The following C10orf53 variants were observed in gnomAD, a reference collection of about 807,000 sequenced individuals.
C10orf53 encodes chromosome 10 open reading frame 53, also known as UPF0728 protein C10orf53.
In C10orf53, 8 loss-of-function variants were observed where a neutral mutation model predicts 9.4. That is an observed-to-expected ratio of 0.85 (90% CI 0.50 to 1.53). The LOEUF is 1.53. C10orf53 is among the 40% of genes most tolerant of loss of function. The probability of loss-of-function intolerance (pLI) is 0.00; values close to 1 mark genes in which losing one functional copy is unlikely to be tolerated. For missense variants in C10orf53, 117 were observed against 117.8 expected (o/e 0.99, Z 0.03); for synonymous variants, 48 against 46.0 (o/e 1.04, Z -0.18).
At chr10:49,694,209 GTTA>G in intron 2 of C10orf53, 1 of 576,806 alleles carries the variant, frequency 1.7e-6, no homozygotes, top group Non-Finnish European at 3.0e-6. Context: ...TATGTATTCT[GTTA>G]TTATTTGCTT....
At chr10:49,693,652 T>A (rs1840605279) in intron 1 of C10orf53, 122 bp from the exon 2 acceptor site, 2 of 1,255,044 alleles carry the variant, frequency 1.6e-6, no homozygotes, top group South Asian at 2.9e-5. Context: ...ACCAGGGCAG[T>A]TGAGTGATAC....
intron 2 of C10orf53, among the ~76,000 whole-genome samples, chr10:49,703,511 T>C (rs1438986060): frequency 6.6e-6 from 1 of 152,132 alleles, no homozygotes. Context: ...ATCTTATTAG[T>C]AAAGAGATGG....
At position 49,695,097 on chromosome 10, in the gene C10orf53, T is replaced by TG. The variant is rs986028106; in HGVS notation, c.*496dup. 1.6e-5 allele frequency: 5 copies of TG among 322,536 alleles called. No individual in the cohort carries two copies. Among genetic ancestry groups the TG allele is most frequent in the African/African-American group, 1.1e-4 (5 of 44,558 alleles). The allele number at this position is 322,536 out of a possible 1,614,324, so 20.0% of individuals were successfully genotyped here. A position where few individuals can be genotyped will look rare whatever the true frequency, so the allele number is the denominator to read the frequency against. On this transcript the variant is annotated 3_prime_UTR_variant, in exon 3 of 3. Transcript: ENST00000374111. ...CTTGCTATTCCTACAGATTTATTTC[T>TG]GACTCCTGAGGGAATAAATATTTTA...
At position 49,696,981 on chromosome 10, in the gene C10orf53, A is replaced by C. The variant is rs1374427156; in HGVS notation, c.*2379A>C. Among the ~76,000 whole-genome samples the C allele has an allele frequency of 1.3e-5, 2 of 152,278 alleles. No individual in the cohort carries two copies. Among genetic ancestry groups the C allele is most frequent in the South Asian group, 2.1e-4 (1 of 4,826 alleles). On this transcript the variant is annotated 3_prime_UTR_variant, in exon 3 of 3. Coordinates refer to ENST00000374111, the MANE Select transcript of C10orf53 (RefSeq NM_001042427.3). Reference sequence around the variant, plus strand: ...CCAAGGTGGGTGGATTTGTTTGAACACAGGAGTTCGAGAGCAGCCTGGCCA... The same window carrying C: ...CCAAGGTGGGTGGATTTGTTTGAACCCAGGAGTTCGAGAGCAGCCTGGCCA...
At chr10:49,686,962 A>C (rs1590640175) in intron 1 of C10orf53, among the ~76,000 whole-genome samples, 1 of 152,314 alleles carries the variant, frequency 6.6e-6, no homozygotes, top group East Asian at 1.9e-4. Flanking sequence ...TGCTATCTTC[A>C]AGACTGCCAC....
At chr10:49,680,182 C>T (rs1590636742) in intron 1 of C10orf53, among the ~76,000 whole-genome samples, 2 of 152,224 alleles carry the variant, frequency 1.3e-5, no homozygotes, top group South Asian at 2.1e-4. Context: ...TTATTAAGCA[C>T]GCAGTGTGTG....
chr10:49,700,885 A>G (rs565937876), downstream of C10orf53, among the ~76,000 whole-genome samples: 5 of 152,264 alleles, frequency 3.3e-5, no homozygotes, highest in East Asian at 9.7e-4. Flanking sequence ...GTAAAAGCAC[A>G]TTAGATGATG....
intron 2 of C10orf53, 82 bp from the exon 3 acceptor site, chr10:49,694,456 G>A (rs1420785076): frequency 1.5e-5 from 23 of 1,568,624 alleles, no homozygotes; most frequent in Non-Finnish European, 1.6e-5. Context: ...AATGCACTCT[G>A]GGTGGAAGCC....
chr10:49,679,657 G>T lies in C10orf53; in HGVS notation c.-41G>T, dbSNP rs1840458624. On this transcript the variant is annotated 5_prime_UTR_variant, in exon 1 of 3. Coordinates refer to ENST00000374111, the MANE Select transcript of C10orf53 (RefSeq NM_001042427.3). Reference sequence around the variant, plus strand: ...GCCGGAAGAGAGGTTGCTTAGCAGCGTGTGTTTCTCCCTTGCCTCTGCGGC... The same window carrying T: ...GCCGGAAGAGAGGTTGCTTAGCAGCTTGTGTTTCTCCCTTGCCTCTGCGGC... 2.0e-6 allele frequency: 3 copies of T among 1,537,134 alleles called. No homozygotes were observed. Among genetic ancestry groups the T allele is most frequent in the African/African-American group, 2.8e-5 (2 of 72,262 alleles).
At chr10:49,707,307 A>G (rs1436251786) in intron 2 of C10orf53, among the ~76,000 whole-genome samples, 1 of 152,208 alleles carries the variant, frequency 6.6e-6, no homozygotes, top group Non-Finnish European at 1.5e-5. Flanking sequence ...GGCAGAGCCC[A>G]TATCCACAGG....
chr10:49,687,737 A>G (rs1481621484), intron 1 of C10orf53, among the ~76,000 whole-genome samples: 1 of 152,226 alleles, frequency 6.6e-6, no homozygotes, highest in Non-Finnish European at 1.5e-5. Flanking sequence ...AGGTGCAGGC[A>G]ACCTGGGCAC....
chr10:49,689,612 A>C (rs1226266672), intron 1 of C10orf53, among the ~76,000 whole-genome samples: 2 of 152,200 alleles, frequency 1.3e-5, no homozygotes, highest in Non-Finnish European at 2.9e-5. Context: ...AATTGGAAAC[A>C]ATCAGAAAAA....
intron 1 of C10orf53, among the ~76,000 whole-genome samples, chr10:49,693,265 T>C (rs1483210748): frequency 1.3e-5 from 2 of 152,226 alleles, no homozygotes; most frequent in African/African-American, 4.8e-5. Context: ...AAAGACATCT[T>C]GTTGCAAAAA....
chr10:49,693,884 T>G lies in C10orf53; in HGVS notation c.208T>G (p.Leu70Val), dbSNP rs1381019468. 6.2e-7 allele frequency: 1 copy of G among 1,614,130 alleles called. No individual in the cohort carries two copies. The highest frequency in any genetic ancestry group is 1.3e-5 in the African/African-American group (1 of 74,942). ...CATCTTCCACTGCAACATTAAGGAC[T>G]TGGAGTTCGGTAAGCCCTTTGGCGA... ...EVIFHCNIKD[L>V]EFGGDGKLDP... The change falls in exon 2 of 3, where the codon TTG becomes GTG. Residue 70 changes from leucine (L) to valine (V), a missense_variant. Transcript: ENST00000374111.
At chr10:49,690,818 C>T (rs560046821) in intron 1 of C10orf53, among the ~76,000 whole-genome samples, 34 of 152,274 alleles carry the variant, frequency 2.2e-4, no homozygotes, top group Admixed American at 5.9e-4. Flanking sequence ...GCGGCCCTTG[C>T]GCGGGGGTGT....
chr10:49,679,918 CAG>C (rs1840463693), intron 1 of C10orf53, 124 bp downstream of exon 1: 1 of 905,696 alleles, frequency 1.1e-6, no homozygotes, highest in Admixed American at 3.8e-5. Flanking sequence ...AAGTCTTCCC[CAG>C]GATGATGTTG....
intron 1 of C10orf53, among the ~76,000 whole-genome samples, chr10:49,680,247 T>G (rs1840466578): frequency 6.6e-6 from 1 of 152,206 alleles, no homozygotes; most frequent in African/African-American, 2.4e-5. Flanking sequence ...TGAATGTCCT[T>G]GAAGTAATCT....
rs1261620404 is a variant in C10orf53 at position 49,679,709 on chromosome 10, C to T, written c.12C>T (p.Asn4=). MPK[N]AVVILRYGPY... ...GCGGAGGCCTGGCGATGCCCAAGAA[C>T]GCAGTGGTCATCCTGCGCTATGGGC... The change falls in exon 1 of 3, where the codon AAC becomes AAT. Residue 4 remains asparagine (N), a synonymous_variant. Transcript: ENST00000374111. The T allele has an allele frequency of 2.6e-6, 4 of 1,547,730 alleles. No homozygotes were observed. Among genetic ancestry groups the T allele is most frequent in the South Asian group, 2.4e-5 (2 of 83,680 alleles).
chr10:49,701,780 A>G (rs1339241164), downstream of C10orf53, among the ~76,000 whole-genome samples: 1 of 149,810 alleles, frequency 6.7e-6, no homozygotes, highest in Non-Finnish European at 1.5e-5. Flanking sequence ...CATGCCAGCC[A>G]CACTGGCTTG....
Sources: allele counts gnomAD v4.1 joint callset (sites outside exome capture counted in the v4.1 genomes callset), GRCh38; gene constraint gnomAD v4.1.1; transcripts MANE v1.5; gene names NCBI Gene and HGNC (gene_info 2026-07-23, HGNC 2026-07-21).